Variants in RBFOX1 observed in about 807,000 individuals in gnomAD.
RBFOX1 encodes RNA binding protein fox-1 homolog 1.
Under a neutral mutation model 57.7 loss-of-function variants are expected in RBFOX1, and 8 were observed. The ratio of observed to expected loss-of-function variants is 0.14; its 90% CI spans 0.08 to 0.25. The LOEUF (loss-of-function observed/expected upper bound fraction) is 0.25. Among genes scored for constraint, RBFOX1 ranks in the 10% least tolerant of loss-of-function variants. The pLI, the probability that RBFOX1 is intolerant of heterozygous loss-of-function variation, is 1.00. For synonymous variants in RBFOX1, 326 were observed against 222.4 expected, an observed-to-expected ratio of 1.47 and a Z score of -4.15; for missense variants, 611 against 548.5, an observed-to-expected ratio of 1.11 and a Z score of -1.14.
At chr16:7,527,934 T>C (rs1364692750) in intron 5 of RBFOX1, among the ~76,000 whole-genome samples, 4 of 152,192 alleles carry the variant, frequency 2.6e-5, no homozygotes, top group Non-Finnish European at 5.9e-5. Flanking sequence ...AAACTCCAAT[T>C]CCGAGATTTA....
intron 4 of RBFOX1, among the ~76,000 whole-genome samples, chr16:7,125,463 C>G (rs978992868): frequency 1.3e-5 from 2 of 152,156 alleles, no homozygotes; most frequent in African/African-American, 4.8e-5. Flanking sequence ...TTAAAAATTT[C>G]AAACCTGTCG....
intron 3 of RBFOX1, among the ~76,000 whole-genome samples, chr16:6,764,877 C>T (rs13332976): frequency 0.029 from 4,485 of 152,110 alleles, 250 homozygotes; most frequent in African/African-American, 0.1. Context: ...GTGAAGGTTG[C>T]AGTGAGCCGA....
chr16:6,952,663 G>C lies in RBFOX1; in HGVS notation c.-15-99394G>C, dbSNP rs9926068. 8.7e-3 allele frequency among the ~76,000 whole-genome samples: 1,315 copies of C among 151,896 alleles called. 19 individuals are homozygous for C. The highest frequency in any genetic ancestry group is 0.03 in the African/African-American group (1,260 of 41,412). On this transcript the variant is annotated intron_variant, in intron 3 of 15. Coordinates refer to ENST00000550418, the MANE Select transcript of RBFOX1 (RefSeq NM_018723.4). ...CCTCCTCCCTCCAAAAAAAAGAAAA[G>C]AAAAAGAAATGAAAAAAAATTATCC...
At chr16:7,391,620 A>G (rs747404522) in intron 4 of RBFOX1, among the ~76,000 whole-genome samples, 3 of 152,230 alleles carry the variant, frequency 2.0e-5, no homozygotes, top group Non-Finnish European at 4.4e-5. Flanking sequence ...TGTAGCTTGC[A>G]TCATCATTTC....
intron 3 of RBFOX1, among the ~76,000 whole-genome samples, chr16:5,832,420 G>T (rs887151609): frequency 3.9e-5 from 6 of 152,342 alleles, no homozygotes; most frequent in Admixed American, 2.6e-4. Context: ...GTGATCTTGG[G>T]ATCGTTACTT....
chr16:5,625,268 C>T (rs1368540126), intron 3 of RBFOX1, among the ~76,000 whole-genome samples: 1 of 151,852 alleles, frequency 6.6e-6, no homozygotes, highest in Non-Finnish European at 1.5e-5. Context: ...GTGGTAGGGG[C>T]GTAGGAAGCA....
chr16:7,500,314 T>C (rs1373336067), intron 4 of RBFOX1, among the ~76,000 whole-genome samples: 2 of 152,166 alleles, frequency 1.3e-5, no homozygotes, highest in Non-Finnish European at 2.9e-5. Context: ...ACTTACAAAG[T>C]AGTAGGAACT....
At chr16:7,048,773 C>G (rs1211133648) in intron 3 of RBFOX1, among the ~76,000 whole-genome samples, 1 of 152,038 alleles carries the variant, frequency 6.6e-6, no homozygotes, top group African/African-American at 2.4e-5. Context: ...TCCTAGTATG[C>G]TAAGTCATTT....
At chr16:7,393,334 C>T (rs138949399) in intron 4 of RBFOX1, among the ~76,000 whole-genome samples, 59 of 152,292 alleles carry the variant, frequency 3.9e-4, no homozygotes, top group African/African-American at 1.2e-3. Context: ...GCAAGATGCT[C>T]GTCACTTCTT....
At chr16:7,326,885 C>T (rs1483279089) in intron 4 of RBFOX1, among the ~76,000 whole-genome samples, 1 of 152,154 alleles carries the variant, frequency 6.6e-6, no homozygotes, top group Non-Finnish European at 1.5e-5. Flanking sequence ...GCCCCTCCAC[C>T]TTCCTCACAC....
chr16:6,867,023 A>AAAAACTT, intron 3 of RBFOX1, among the ~76,000 whole-genome samples: 1 of 151,596 alleles, frequency 6.6e-6, no homozygotes, highest in South Asian at 2.1e-4. Flanking sequence ...CTTTAAAAAA[A>AAAAACTT]AAAAAAAAAA....
At chr16:6,284,294 G>C (rs1173316093) in intron 1 of RBFOX1, among the ~76,000 whole-genome samples, 2 of 152,116 alleles carry the variant, frequency 1.3e-5, no homozygotes, top group African/African-American at 4.8e-5. Flanking sequence ...GGACAGCTCT[G>C]GGGTAGTTCA....
At chr16:6,478,388 AATATATATATATATAT>A (rs71406379) in intron 2 of RBFOX1, among the ~76,000 whole-genome samples, 10 of 41,560 alleles carry the variant, frequency 2.4e-4, no homozygotes, top group East Asian at 1.1e-3. Context: ...ACACCCAGCT[AATATATATATATATAT>A]ATATATATAT....
At chr16:5,240,607 C>T (rs1477568648) in intron 1 of RBFOX1, among the ~76,000 whole-genome samples, 1 of 152,220 alleles carries the variant, frequency 6.6e-6, no homozygotes, top group East Asian at 1.9e-4. Context: ...GTTTTTCTTC[C>T]CTTTCTGGTT....
At chr16:6,447,983 TC>T (rs1263281665) in intron 2 of RBFOX1, among the ~76,000 whole-genome samples, 1 of 151,888 alleles carries the variant, frequency 6.6e-6, no homozygotes, top group African/African-American at 2.4e-5. Context: ...CAAGAGTCTC[TC>T]TCTCTCTCTC....
chr16:6,188,946 G>C (rs1315623661), intron 1 of RBFOX1, among the ~76,000 whole-genome samples: 1 of 152,186 alleles, frequency 6.6e-6, no homozygotes, highest in Admixed American at 6.5e-5. Flanking sequence ...ATTTTGCAGT[G>C]CCAAATGAGA....
At chr16:6,029,655 C>T (rs1182487280) in intron 1 of RBFOX1, among the ~76,000 whole-genome samples, 1 of 151,782 alleles carries the variant, frequency 6.6e-6, no homozygotes, top group African/African-American at 2.4e-5. Flanking sequence ...TGCCTGTAGT[C>T]CCAGCTACTC....
chr16:7,158,903 TTA>T (rs2077705825), intron 4 of RBFOX1, among the ~76,000 whole-genome samples: 1 of 152,122 alleles, frequency 6.6e-6, no homozygotes, highest in Non-Finnish European at 1.5e-5. Context: ...GTGTGTGTAA[TTA>T]TTTGTATTAC....
chr16:5,324,765 G>A (rs2064516545), intron 1 of RBFOX1, among the ~76,000 whole-genome samples: 1 of 152,110 alleles, frequency 6.6e-6, no homozygotes. Context: ...ATGAACTCAC[G>A]GACACATAGA....
Sources: allele counts gnomAD v4.1 joint callset (sites outside exome capture counted in the v4.1 genomes callset), GRCh38; gene constraint gnomAD v4.1.1; transcripts MANE v1.5; gene names NCBI Gene and HGNC (gene_info 2026-07-23, HGNC 2026-07-21).